PGC: variants seen among roughly 807,000 people sequenced by gnomAD.
PGC encodes progastricsin, also known as gastricsin.
In PGC, 31 loss-of-function variants were observed where a neutral mutation model predicts 45.9. The observed-to-expected ratio is 0.67, with a 90% CI of 0.51 to 0.91. The LOEUF is 0.91. PGC is among the 40% of genes least tolerant of loss of function. PGC has a pLI of 0.00. For missense variants in PGC, 477 were observed against 493.2 expected (o/e 0.97, Z 0.31); for synonymous variants, 192 against 201.8 (o/e 0.95, Z 0.41).
chr6:41,745,239 T>C (rs549985088), intron 1 of PGC, among the ~76,000 whole-genome samples: 2 of 68,574 alleles, frequency 2.9e-5, no homozygotes, highest in Non-Finnish European at 6.2e-5. Context: ...TTTCAGGATA[T>C]GTACTTTTTT....
chr6:41,744,720 G>A lies in PGC; in HGVS notation c.148C>T (p.Pro50Ser). The A allele has an allele frequency of 6.2e-7, 1 of 1,614,098 alleles. No individual in the cohort carries two copies. Among genetic ancestry groups the A allele is most frequent in the Non-Finnish European group, 8.5e-7 (1 of 1,179,954 alleles). The change falls in exon 2 of 9, where the codon CCT becomes TCT. Residue 50 changes from proline (P) to serine (S), a missense_variant. Coordinates refer to ENST00000373025, the MANE Select transcript of PGC (RefSeq NM_002630.4). The surrounding 1 kb of genome is among the most constrained non-coding windows in gnomAD (Gnocchi z 4.4). ...TCACCAAAGCGGTACTTCCAAGCAGGATCATACTTGTGGGTCCTCAGGAAC... is the reference window on the plus strand; with the variant it reads ...TCACCAAAGCGGTACTTCCAAGCAGAATCATACTTGTGGGTCCTCAGGAAC... ...GEFLRTHKYDPAWKYRFGDLS... is the reference protein window; with the variant it reads ...GEFLRTHKYDSAWKYRFGDLS...
chr6:41,737,085 G>A, intron 8 of PGC, 81 bp from the exon 9 acceptor site: 23 of 1,382,154 alleles, frequency 1.7e-5, no homozygotes, highest in Non-Finnish European at 2.2e-5. Context: ...CCTGGGCTGG[G>A]AGCACAAGTG....
At chr6:41,738,143 TGC>T (rs1375155510) in intron 7 of PGC, among the ~76,000 whole-genome samples, 3,393 of 38,286 alleles carry the variant, frequency 0.089, 242 homozygotes, top group East Asian at 0.12. Flanking sequence ...CATATATATA[TGC>T]ATATATATAT....
intron 8 of PGC, 57 bp downstream of exon 8, chr6:41,737,673 C>A (rs1405911952): frequency 9.4e-7 from 1 of 1,062,400 alleles, no homozygotes; most frequent in African/African-American, 1.6e-5. Flanking sequence ...TCTGGCTCCC[C>A]AGCCCTTCCT....
chr6:41,738,144 G>GCATATATATATA, intron 7 of PGC, among the ~76,000 whole-genome samples: 1 of 26,098 alleles, frequency 3.8e-5, no homozygotes, highest in Admixed American at 3.8e-4. Flanking sequence ...ATATATATAT[G>GCATATATATATA]CATATATATA....
chr6:41,738,227 CATATATATAT>C (rs1771749172), intron 7 of PGC, among the ~76,000 whole-genome samples: 2 of 13,306 alleles, frequency 1.5e-4, no homozygotes, highest in Non-Finnish European at 4.5e-4. Flanking sequence ...TATATATATG[CATATATATAT>C]GTATATATAT....
intron 4 of PGC, among the ~76,000 whole-genome samples, 159 bp from the exon 5 acceptor site, chr6:41,742,648 CAG>C (rs1265670338): frequency 2.0e-5 from 3 of 152,140 alleles, no homozygotes; most frequent in South Asian, 2.1e-4. Context: ...TTGTTTGAGA[CAG>C]AGTCTCGCCC....
In PGC at chr6:41,744,245, T is replaced by C. The variant is rs1271144253; in HGVS notation, c.328+152A>G. 1.1e-5 allele frequency: 6 copies of C among 561,452 alleles called. No homozygotes were observed. Among genetic ancestry groups the C allele is most frequent in the Non-Finnish European group, 1.6e-5 (5 of 311,394 alleles). The allele number at this position is 561,452 out of a possible 1,614,324, so 34.8% of individuals were successfully genotyped here. On this transcript the variant is annotated intron_variant, in intron 3 of 8. Transcript: ENST00000373025. The surrounding 1 kb of genome is among the most constrained non-coding windows in gnomAD (Gnocchi z 4.4). ...CAGGACCAGCATCTTTCCTCTGGCT[T>C]GGGCATGCTGTGTGGCCCTGCACAT... is the stretch of plus-strand genomic sequence containing the variant.
rs188832117 is a variant in PGC at position 41,738,366 on chromosome 6, G to A, written c.916-538C>T. On this transcript the variant is annotated intron_variant, in intron 7 of 8. Transcript: ENST00000373025. ...GATCTGGCCGGGCATGGTGGCTCGT[G>A]CCTGTAATCCCAATACTTTGGGAGG... 2.5e-3 allele frequency among the ~76,000 whole-genome samples: 380 copies of A among 151,340 alleles called. 2 individuals carry two copies. The highest frequency in any genetic ancestry group is 8.2e-3 in the African/African-American group (336 of 41,146).
intron 5 of PGC, chr6:41,741,188 C>T: frequency 6.5e-7 from 1 of 1,530,748 alleles, no homozygotes. Flanking sequence ...GTTCCAGAGG[C>T]TTCTCTGGTA....
intron 5 of PGC, chr6:41,741,190 T>C (rs1771817288): frequency 6.5e-7 from 1 of 1,530,828 alleles, no homozygotes; most frequent in South Asian, 1.2e-5. Context: ...TCCAGAGGCT[T>C]CTCTGGTAGC....
rs1477384162 is a variant in PGC, at chr6:41,736,935, T to G, written c.1084A>C (p.Ile362Leu). Residue 362 changes from isoleucine (I) to leucine (L), a missense_variant, in exon 9 of 9, where the codon ATC (isoleucine) becomes CTC (leucine). Ile to Leu is a conservative substitution (Grantham distance 5, BLOSUM62 2). Coordinates refer to ENST00000373025, the MANE Select transcript of PGC (RefSeq NM_002630.4). ...LSSQNGQPLW[I>L]LGDVFLRSYY... The stretch of plus-strand genomic sequence containing the variant: ...GACCTGAGGAAGACATCCCCGAGGA[T>G]CCACAGGGGCTGGCCGTTCTGGGAG... The G allele has an allele frequency of 1.9e-6, 3 of 1,614,032 alleles. No homozygotes were observed. Among genetic ancestry groups the G allele is most frequent in the Non-Finnish European group, 2.5e-6 (3 of 1,179,922 alleles).
intron 7 of PGC, 57 bp from the exon 8 acceptor site, chr6:41,737,885 C>A: frequency 2.0e-6 from 2 of 1,016,798 alleles, no homozygotes. Flanking sequence ...CACCCACCAG[C>A]CCCATCATCT....
intron 7 of PGC, among the ~76,000 whole-genome samples, chr6:41,738,226 G>GCATATATATGCATATATATATA (rs1771748701): frequency 3.4e-5 from 2 of 58,378 alleles, no homozygotes; most frequent in East Asian, 4.7e-4. Flanking sequence ...ATATATATAT[G>GCATATATATGCATATATATATA]CATATATATA....
At position 41,747,296 on chromosome 6, in the gene PGC, G is replaced by C. The variant is rs757283640; in HGVS notation, c.39C>G (p.Leu13=). ...WMVVVLVCLQ[L]LEAAVVKVPL... is the part of the protein sequence containing the mutation. ...CTCACTTGACCACTGCTGCCTCCAAGAGCTGGAGGCAGACCAAGACCACCA... is the reference window on the plus strand; with the variant it reads ...CTCACTTGACCACTGCTGCCTCCAACAGCTGGAGGCAGACCAAGACCACCA... Residue 13 remains leucine (L), a synonymous_variant, in exon 1 of 9, where the codon CTC becomes CTG. Coordinates refer to ENST00000373025, the MANE Select transcript of PGC (RefSeq NM_002630.4). The C allele has an allele frequency of 6.2e-7, 1 of 1,613,706 alleles. No individual in the cohort carries two copies. The highest frequency in any genetic ancestry group is 8.5e-7 in the Non-Finnish European group (1 of 1,179,678).
Position 41,747,393 on chromosome 6 carries a change from G to T in PGC, c.-59C>A. The T allele has an allele frequency of 1.4e-6, 2 of 1,433,098 alleles. No homozygotes were observed. The highest frequency in any genetic ancestry group is 9.8e-7 in the Non-Finnish European group (1 of 1,016,198). The allele number at this position is 1,433,098 out of a possible 1,614,324, so 88.8% of individuals were successfully genotyped here. ...CAGCTCTGAGTTCTGCAGTCGCAGTGGAGTGAAGACCTGGGCACTCTTTCC... is the reference window on the plus strand; with the variant it reads ...CAGCTCTGAGTTCTGCAGTCGCAGTTGAGTGAAGACCTGGGCACTCTTTCC... On this transcript the variant is annotated 5_prime_UTR_variant, in exon 1 of 9. Transcript: ENST00000373025.
Position 41,738,190 on chromosome 6 carries a change from G to GCATATATATATACATATATATA in PGC, c.916-363_916-362insTATATATATGTATATATATATG, listed in dbSNP as rs1561879782. 8.8e-3 allele frequency among the ~76,000 whole-genome samples: 89 copies of GCATATATATATACATATATATA among 10,162 alleles called. 12 individuals are homozygous for GCATATATATATACATATATATA. The highest frequency in any genetic ancestry group is 0.059 in the East Asian group (30 of 508). 6.7% of individuals were successfully genotyped at this position (10,162 alleles called of 152,430 possible). ...TGCATATATATATACATATATATAT[G>GCATATATATATACATATATATA]CATATATATATGCATATATATATGC... On this transcript the variant is annotated intron_variant, in intron 7 of 8. Transcript: ENST00000373025.
Position 41,742,416 on chromosome 6 carries a change from G to A in PGC, c.521C>T (p.Ala174Val), listed in dbSNP as rs764935633. Residue 174 changes from alanine to valine, a missense_variant, in exon 5 of 9, where the codon GCG (alanine) becomes GTG (valine). Coordinates refer to ENST00000373025, the MANE Select transcript of PGC (RefSeq NM_002630.4). Reference sequence around the variant, plus strand: ...CAGGCCCATGATGCCATCAAACTGCGCATAGACGAAGTTGGTACCAGGCTC... The same window carrying A: ...CAGGCCCATGATGCCATCAAACTGCACATAGACGAAGTTGGTACCAGGCTC... ...ENEPGTNFVY[A>V]QFDGIMGLAY... 31 of 1,613,978 alleles carry A rather than the reference G, an allele frequency of 1.9e-5. No homozygotes were observed. Among genetic ancestry groups the A allele is most frequent in the Middle Eastern group, 1.6e-4 (1 of 6,082 alleles).
rs6926045 is a variant in PGC, at chr6:41,744,032, T to C, written c.328+365A>G. On this transcript the variant is annotated intron_variant, in intron 3 of 8. Coordinates refer to ENST00000373025, the MANE Select transcript of PGC (RefSeq NM_002630.4). This position sits in a 1 kb window ranked among gnomAD's most constrained non-coding sequence, Gnocchi z 4.4. ...TAGTAAATACTGAGGTGGAGCAGAA[T>C]AGAATGGAGTAGAATGGAGTGGGAT... 0.033 allele frequency among the ~76,000 whole-genome samples: 4,947 copies of C among 151,906 alleles called. 264 individuals carry two copies. The highest frequency in any genetic ancestry group is 0.11 in the African/African-American group (4,634 of 41,304).
Sources: gnomAD v4.1 joint callset for allele counts (sites outside exome capture counted in the v4.1 genomes callset) on GRCh38, gnomAD v4.1.1 for gene constraint, Gnocchi (gnomAD v3.1) non-coding constraint, MANE v1.5 for transcripts, NCBI Gene and HGNC (gene_info 2026-07-23, HGNC 2026-07-21) for gene names.